STK4: variants seen among roughly 807,000 people sequenced by gnomAD.
STK4 encodes serine/threonine-protein kinase 4.
STK4 carries 30 observed loss-of-function variants against 64.9 expected under a neutral mutation model. The observed-to-expected ratio is 0.46, with a 90% CI of 0.35 to 0.63. The LOEUF (loss-of-function observed/expected upper bound fraction) is 0.63. STK4 is among the 20% of genes least tolerant of loss of function. STK4 has a pLI of 0.01. For missense variants in STK4, 466 were observed against 598.5 expected (o/e 0.78, Z 2.31); for synonymous variants, 177 against 199.0 (o/e 0.89, Z 0.93).
chr20:45,005,358 A>G (rs539470871), intron 9 of STK4, among the ~76,000 whole-genome samples: 12 of 152,080 alleles, frequency 7.9e-5, no homozygotes, highest in African/African-American at 2.9e-4. Flanking sequence ...TTTAAAAAAC[A>G]TTAGCAGCTG....
rs745830553 is a variant in STK4, at chr20:44,981,850, T to C, written c.267T>C (p.Tyr89=). 2.5e-6 allele frequency: 4 copies of C among 1,612,962 alleles called. No individual in the cohort carries two copies. The highest frequency in any genetic ancestry group is 3.4e-6 in the Non-Finnish European group (4 of 1,178,940). The change falls in exon 4 of 11, where the codon TAT becomes TAC. Residue 89 remains tyrosine, a synonymous_variant. Transcript: ENST00000372806. ...QCDSPHVVKY[Y]GSYFKNTDLW... is the part of the protein sequence containing the mutation. ...CTAGCCCTCATGTAGTCAAATATTA[T>C]GGCAGTTATTTTAAGAACACAGACT...
chr20:44,977,231 G>C (rs2145642340), intron 2 of STK4, among the ~76,000 whole-genome samples: 1 of 152,346 alleles, frequency 6.6e-6, no homozygotes, highest in South Asian at 2.1e-4. Context: ...AGTTTTGCAA[G>C]TATGACAGCT....
At chr20:45,062,588 T>G (rs1979133051) in intron 10 of STK4, among the ~76,000 whole-genome samples, 1 of 152,252 alleles carries the variant, frequency 6.6e-6, no homozygotes, top group Non-Finnish European at 1.5e-5. Flanking sequence ...CGCCAGCATC[T>G]GTTATTTTTT....
At chr20:44,998,183 C>T (rs1050550341) in intron 7 of STK4, among the ~76,000 whole-genome samples, 5 of 152,136 alleles carry the variant, frequency 3.3e-5, no homozygotes, top group African/African-American at 1.2e-4. Flanking sequence ...AGGCCTGGTC[C>T]TTGAAGGACA....
At chr20:45,015,387 C>T (rs1228929133) in intron 9 of STK4, among the ~76,000 whole-genome samples, 1 of 152,178 alleles carries the variant, frequency 6.6e-6, no homozygotes, top group Non-Finnish European at 1.5e-5. Flanking sequence ...TTTGCAAGTA[C>T]AGTAATTAGG....
intron 10 of STK4, among the ~76,000 whole-genome samples, chr20:45,046,541 G>T (rs1045741151): frequency 6.6e-6 from 1 of 151,384 alleles, no homozygotes; most frequent in Non-Finnish European, 1.5e-5. Context: ...ATATTTTCTG[G>T]TTATATCTCT....
chr20:44,970,395 A>G (rs887082865), intron 1 of STK4: 1 of 152,196 alleles, frequency 6.6e-6, no homozygotes, highest in African/African-American at 2.4e-5. Context: ...CACTTCAAAG[A>G]AACATACTTG....
At chr20:44,976,781 G>C (rs1478143091) in intron 2 of STK4, among the ~76,000 whole-genome samples, 2 of 152,168 alleles carry the variant, frequency 1.3e-5, no homozygotes, top group African/African-American at 4.8e-5. Context: ...TGTGAGATTC[G>C]AGAAGCCGTT....
At chr20:45,032,796 G>A (rs2068467207) in intron 10 of STK4, among the ~76,000 whole-genome samples, 1 of 152,146 alleles carries the variant, frequency 6.6e-6, no homozygotes, top group African/African-American at 2.4e-5. Flanking sequence ...TCAATAATGG[G>A]ACTGCTAGGT....
intron 10 of STK4, among the ~76,000 whole-genome samples, chr20:45,029,390 G>A (rs947604394): frequency 1.3e-5 from 2 of 152,114 alleles, no homozygotes; most frequent in Non-Finnish European, 2.9e-5. Flanking sequence ...TCTGATATAT[G>A]ACATTCTACT....
At chr20:45,015,651 T>C (rs1314305421) in intron 9 of STK4, among the ~76,000 whole-genome samples, 1 of 152,180 alleles carries the variant, frequency 6.6e-6, no homozygotes, top group Non-Finnish European at 1.5e-5. Flanking sequence ...AAAGGAGTAG[T>C]GGAGTGAACA....
intron 9 of STK4, among the ~76,000 whole-genome samples, chr20:45,009,045 T>A (rs1643604078): frequency 6.6e-6 from 1 of 152,210 alleles, no homozygotes; most frequent in African/African-American, 2.4e-5. Flanking sequence ...TTTAATTAGG[T>A]CCCACTTGTC....
chr20:44,973,811 T>C (rs1036407138), intron 2 of STK4, among the ~76,000 whole-genome samples: 3 of 152,204 alleles, frequency 2.0e-5, no homozygotes, highest in Non-Finnish European at 4.4e-5. Context: ...CCTGAGGTAA[T>C]TGGGGTAAAG....
Position 44,972,177 on chromosome 20 carries a change from T to C in STK4, c.116+19T>C. 4 of 1,604,260 alleles carry C rather than the reference T, an allele frequency of 2.5e-6. No homozygotes were observed. The highest frequency in any genetic ancestry group is 3.4e-6 in the Non-Finnish European group (4 of 1,173,294). On this transcript the variant is annotated intron_variant, in intron 2 of 10. Coordinates refer to ENST00000372806, the MANE Select transcript of STK4 (RefSeq NM_006282.5). ...GAGAAGGGTGAGTGTAAAGAAACTA[T>C]AGGTAGGTCATTGGGTCCCAGTCTT...
chr20:45,068,122 G>A (rs1329055920), intron 10 of STK4, among the ~76,000 whole-genome samples: 2 of 152,118 alleles, frequency 1.3e-5, no homozygotes, highest in Non-Finnish European at 2.9e-5. Context: ...GTTGTAGAAC[G>A]AATAATGTCC....
At position 45,050,591 on chromosome 20, in the gene STK4, T is replaced by C. The variant is rs138642464; in HGVS notation, c.1306-24427T>C. Among the ~76,000 whole-genome samples the C allele has an allele frequency of 2.2e-3, 341 of 152,296 alleles. 2 individuals are homozygous for C. The highest frequency in any genetic ancestry group is 8.0e-3 in the African/African-American group (332 of 41,574). On this transcript the variant is annotated intron_variant, in intron 10 of 10. Transcript: ENST00000372806. ...ATGTGAATTGTTGCTTTATATTATT[T>C]ACTGAATTTTCCATGGAATTCTTAT...
chr20:44,995,783 T>C (rs1360778061), intron 6 of STK4, among the ~76,000 whole-genome samples: 1 of 152,124 alleles, frequency 6.6e-6, no homozygotes, highest in Non-Finnish European at 1.5e-5. Flanking sequence ...AGGTTGTGTA[T>C]TGATAGCCCT....
At position 44,985,239 on chromosome 20, in the gene STK4, G is replaced by A. The variant is rs370240565; in HGVS notation, c.361-1893G>A. ...CCCTCAGCTTCATTATGTATAAAAT[G>A]ATGATGATAATAATAGTTCCTCTAC... On this transcript the variant is annotated intron_variant, in intron 4 of 10. Transcript: ENST00000372806. Among the ~76,000 whole-genome samples, 9 of 152,292 alleles carry A rather than the reference G, an allele frequency of 5.9e-5. 1 individual carries two copies. Among genetic ancestry groups the A allele is most frequent in the African/African-American group, 4.8e-5 (2 of 41,568 alleles).
At chr20:44,990,806 G>A (rs1331365042) in intron 5 of STK4, among the ~76,000 whole-genome samples, 1 of 152,188 alleles carries the variant, frequency 6.6e-6, no homozygotes, top group Non-Finnish European at 1.5e-5. Flanking sequence ...AGGGTGCTTA[G>A]CTGCTTCTTA....
Sources: gnomAD v4.1 joint callset for allele counts (sites outside exome capture counted in the v4.1 genomes callset) on GRCh38, gnomAD v4.1.1 for gene constraint, MANE v1.5 for transcripts, NCBI Gene and HGNC (gene_info 2026-07-23, HGNC 2026-07-21) for gene names.